WWP2: variants seen among roughly 807,000 people sequenced by gnomAD.
WWP2 encodes the protein WW domain containing E3 ubiquitin protein ligase 2, also known as NEDD4-like E3 ubiquitin-protein ligase WWP2.
WWP2 carries 57 observed loss-of-function variants against 121.0 expected under a neutral mutation model. The observed-to-expected ratio is 0.47, with a 90% CI of 0.38 to 0.59. WWP2 has a LOEUF of 0.59. WWP2 is among the 20% of genes least tolerant of loss of function. The probability of loss-of-function intolerance (pLI) is 0.00; values close to 1 mark genes in which losing one functional copy is unlikely to be tolerated. For synonymous variants in WWP2, 449 were observed against 441.3 expected (o/e 1.02, Z -0.22); for missense variants, 962 against 1,158.9 (o/e 0.83, Z 2.47).
intron 10 of WWP2, among the ~76,000 whole-genome samples, chr16:69,921,740 G>A (rs540982777): frequency 5.3e-4 from 81 of 152,212 alleles, no homozygotes; most frequent in Non-Finnish European, 9.3e-4. Flanking sequence ...ACTATCACAC[G>A]GCCGACAATT....
intron 4 of WWP2, among the ~76,000 whole-genome samples, chr16:69,837,746 G>A (rs936329293): frequency 2.6e-5 from 4 of 152,186 alleles, no homozygotes; most frequent in Admixed American, 2.0e-4. Context: ...CCCTCAGCAC[G>A]CTTCCAATAG....
intron 2 of WWP2, among the ~76,000 whole-genome samples, chr16:69,789,365 G>A (rs987830188): frequency 1.3e-5 from 2 of 152,178 alleles, no homozygotes; most frequent in East Asian, 3.9e-4. Context: ...CAGTAGCTGG[G>A]ACTACAGGCG....
At chr16:69,788,906 G>A (rs556561438) in intron 2 of WWP2, among the ~76,000 whole-genome samples, 53 of 152,182 alleles carry the variant, frequency 3.5e-4, no homozygotes, top group Non-Finnish European at 5.6e-4. Context: ...ACAGATGGGA[G>A]AGTGGCTCTC....
intron 4 of WWP2, among the ~76,000 whole-genome samples, chr16:69,809,502 C>T (rs537100432): frequency 2.0e-5 from 3 of 152,058 alleles, no homozygotes; most frequent in South Asian, 4.2e-4. Context: ...TACGGTGGCT[C>T]ACGCCTGTAA....
In WWP2 at chr16:69,802,081, C is replaced by G. The variant is rs150278261; in HGVS notation, c.340+2786C>G. ...AGTAGCTGGGACTACAGGCACCCAC[C>G]ACCATGCCCGGCTAATTTTTGTATT... On this transcript the variant is annotated intron_variant, in intron 4 of 23. Transcript: ENST00000359154. 2.6e-3 allele frequency among the ~76,000 whole-genome samples: 399 copies of G among 152,110 alleles called. 1 individual carries two copies. The highest frequency in any genetic ancestry group is 4.5e-3 in the Non-Finnish European group (307 of 67,980).
Position 69,939,101 on chromosome 16 carries a change from C to G in WWP2, c.2418C>G (p.Val806=). The change falls in exon 22 of 24, where the codon GTC becomes GTG. Residue 806 remains valine, a synonymous_variant. Coordinates refer to ENST00000359154, the MANE Select transcript of WWP2 (RefSeq NM_001270454.2). ...QFVTGTCRLP[V]GGFAELIGSN... is the part of the protein sequence containing the mutation. Reference sequence around the variant, plus strand: ...TCACCGGTACCTGCCGCCTGCCCGTCGGGGGATTTGCCGAACTCATCGGTA... The same window carrying G: ...TCACCGGTACCTGCCGCCTGCCCGTGGGGGGATTTGCCGAACTCATCGGTA... The G allele has an allele frequency of 6.2e-7, 1 of 1,603,912 alleles. No homozygotes were observed. The highest frequency in any genetic ancestry group is 8.5e-7 in the Non-Finnish European group (1 of 1,174,678).
intron 4 of WWP2, among the ~76,000 whole-genome samples, chr16:69,817,757 C>T (rs770555280): frequency 1.3e-5 from 2 of 149,618 alleles, no homozygotes; most frequent in African/African-American, 4.9e-5. Flanking sequence ...CTCCCAGGCT[C>T]AAGTGATCCT....
intron 2 of WWP2, among the ~76,000 whole-genome samples, chr16:69,788,910 G>A (rs1418337134): frequency 6.6e-6 from 1 of 152,102 alleles, no homozygotes; most frequent in African/African-American, 2.4e-5. Context: ...ATGGGAGAGT[G>A]GCTCTCAGTA....
At chr16:69,928,076 G>A (rs1597173961) in intron 11 of WWP2, among the ~76,000 whole-genome samples, 1 of 152,346 alleles carries the variant, frequency 6.6e-6, no homozygotes, top group East Asian at 1.9e-4. Flanking sequence ...AAGGCAGAGA[G>A]TGGGAGGGAG....
At chr16:69,870,212 C>T (rs72785038) in intron 6 of WWP2, among the ~76,000 whole-genome samples, 8,396 of 152,114 alleles carry the variant, frequency 0.055, 290 homozygotes, top group Middle Eastern at 0.11. Context: ...AAATGCATAG[C>T]ACACACAGTG....
At chr16:69,794,218 A>T (rs942177190) in intron 2 of WWP2, among the ~76,000 whole-genome samples, 1 of 151,988 alleles carries the variant, frequency 6.6e-6, no homozygotes, top group Admixed American at 6.6e-5. Flanking sequence ...ATGCCCAGCT[A>T]TCCTTGCTTT....
At position 69,941,422 on chromosome 16, in the gene WWP2, G is replaced by A. The variant is rs1377587061; in HGVS notation, c.*1482G>A. 1 of 153,868 alleles carries A rather than the reference G, an allele frequency of 6.5e-6. No homozygotes were observed. The highest frequency in any genetic ancestry group is 1.5e-5 in the Non-Finnish European group (1 of 68,124). The allele number at this position is 153,868 out of a possible 1,614,324, so 9.5% of individuals were successfully genotyped here. A position where few individuals can be genotyped will look rare whatever the true frequency, so the allele number is the denominator to read the frequency against. On this transcript the variant is annotated 3_prime_UTR_variant, in exon 24 of 24. Coordinates refer to ENST00000359154, the MANE Select transcript of WWP2 (RefSeq NM_001270454.2). ...CAGCCTGCGTCTGCCTCTGTCGTGT[G>A]TGCTGATTTGAGTGGCTTAGCTTGC...
intron 9 of WWP2, chr16:69,910,446 T>C (rs2058362508): frequency 2.3e-6 from 2 of 855,540 alleles, no homozygotes; most frequent in Non-Finnish European, 2.8e-6. Context: ...TCTCGCTCTG[T>C]TGCCCAGGCT....
chr16:69,808,370 A>G (rs1281889253), intron 4 of WWP2, among the ~76,000 whole-genome samples: 4 of 151,616 alleles, frequency 2.6e-5, no homozygotes, highest in Admixed American at 2.0e-4. Context: ...GATTACAGGC[A>G]TGAGCCACCA....
At chr16:69,783,153 G>A (rs1377020859) in intron 1 of WWP2, 1 of 152,006 alleles carries the variant, frequency 6.6e-6, no homozygotes, top group Admixed American at 6.6e-5. Context: ...GGGATTACAG[G>A]TGCGTGCCAC....
At chr16:69,852,987 G>T (rs1471604774) in intron 6 of WWP2, among the ~76,000 whole-genome samples, 1 of 152,196 alleles carries the variant, frequency 6.6e-6, no homozygotes, top group Non-Finnish European at 1.5e-5. Context: ...GTAGGAGATG[G>T]TTTGAAGGCA....
Position 69,937,535 on chromosome 16 carries a change from C to T in WWP2, c.2239-13C>T, listed in dbSNP as rs1444894532. The T allele has an allele frequency of 9.3e-6, 15 of 1,613,470 alleles. No homozygotes were observed. Among genetic ancestry groups the T allele is most frequent in the East Asian group, 2.2e-5 (1 of 44,890 alleles). ...GGGACCTGCCGGGGATGCTGACTGC[C>T]GCCTCTCCCCAGCTGATGCTGTGCG... is the stretch of plus-strand genomic sequence containing the variant. On this transcript the variant is annotated splice_polypyrimidine_tract_variant and intron_variant, in intron 20 of 23. Transcript: ENST00000359154. This position sits in a 1 kb window ranked among gnomAD's most constrained non-coding sequence, Gnocchi z 6.6.
At chr16:69,773,630 A>G (rs1319797763) in intron 1 of WWP2, among the ~76,000 whole-genome samples, 1 of 151,816 alleles carries the variant, frequency 6.6e-6, no homozygotes, top group East Asian at 1.9e-4. Flanking sequence ...ACAGGCATGC[A>G]CCACCATGTC....
Position 69,799,246 on chromosome 16 carries a change from C to T in WWP2, c.291C>T (p.Gly97=). 6.2e-7 allele frequency: 1 copy of T among 1,614,136 alleles called. No homozygotes were observed. Among genetic ancestry groups the T allele is most frequent in the Non-Finnish European group, 8.5e-7 (1 of 1,180,016 alleles). ...ATACCTTGAGAAATGAACTGCTAGGCACCGCATCTGTCAACCTCTCCAACG... is the reference window on the plus strand; with the variant it reads ...ATACCTTGAGAAATGAACTGCTAGGTACCGCATCTGTCAACCTCTCCAACG... The part of the protein sequence containing the change: ...SCHTLRNELL[G]TASVNLSNVL... Residue 97 remains glycine (G), a synonymous_variant, in exon 4 of 24, where the codon GGC becomes GGT. Transcript: ENST00000359154. The surrounding 1 kb of genome is among the most constrained non-coding windows in gnomAD (Gnocchi z 4.5).
Sources: allele counts gnomAD v4.1 joint callset (sites outside exome capture counted in the v4.1 genomes callset), GRCh38; gene constraint gnomAD v4.1.1; non-coding constraint Gnocchi (gnomAD v3.1); transcripts MANE v1.5; gene names NCBI Gene and HGNC (gene_info 2026-07-23, HGNC 2026-07-21).